CHRM5: variants seen among roughly 807,000 people sequenced by gnomAD.
The protein encoded by CHRM5 is muscarinic acetylcholine receptor M5.
Under a neutral mutation model 39.0 loss-of-function variants are expected in CHRM5, and 18 were observed. The ratio of observed to expected loss-of-function variants is 0.46; its 90% CI spans 0.32 to 0.68. The LOEUF is 0.68. CHRM5 is among the 30% of genes least tolerant of loss of function. The pLI, the probability that CHRM5 is intolerant of heterozygous loss-of-function variation, is 0.04. For missense variants in CHRM5, 515 were observed against 651.1 expected (o/e 0.79, Z 2.28); for synonymous variants, 241 against 246.3 (o/e 0.98, Z 0.20).
chr15:34,051,756 C>G (rs989420756), intron 2 of CHRM5, among the ~76,000 whole-genome samples: 2 of 152,036 alleles, frequency 1.3e-5, no homozygotes, highest in African/African-American at 2.4e-5. Context: ...TGGATAAATC[C>G]TGAACACATA....
intron 1 of CHRM5, among the ~76,000 whole-genome samples, chr15:34,027,570 G>A (rs1312659780): frequency 6.6e-6 from 1 of 150,876 alleles, no homozygotes; most frequent in Non-Finnish European, 1.5e-5. Context: ...TCACAACTAT[G>A]GTAACTGTGA....
chr15:34,033,775 AG>A (rs1206785280), intron 1 of CHRM5, among the ~76,000 whole-genome samples: 2 of 152,060 alleles, frequency 1.3e-5, no homozygotes, highest in Non-Finnish European at 2.9e-5. Flanking sequence ...ACACTACTAA[AG>A]AGTTGGGTTT....
intron 1 of CHRM5, among the ~76,000 whole-genome samples, chr15:34,015,210 G>T (rs909493119): frequency 6.6e-6 from 1 of 152,128 alleles, no homozygotes; most frequent in Non-Finnish European, 1.5e-5. Flanking sequence ...TAGGCCGGGC[G>T]CAGTGGCTCA....
At position 34,052,462 on chromosome 15, in the gene CHRM5, C is replaced by G. The variant is rs1384731881; in HGVS notation, c.-76+5591C>G. ...AAGACAAGGGTACTCTGTCTTACCA[C>G]TCCTATTCAACATAGTATTCAAAGT... On this transcript the variant is annotated intron_variant, in intron 2 of 2. Coordinates refer to ENST00000383263, the MANE Select transcript of CHRM5 (RefSeq NM_012125.4). 2.6e-5 allele frequency among the ~76,000 whole-genome samples: 4 copies of G among 152,324 alleles called. No homozygotes were observed. In the South Asian group the frequency reaches 6.2e-4, roughly 24 times the overall value.
chr15:33,978,157 T>A (rs1280279399), intron 1 of CHRM5, among the ~76,000 whole-genome samples: 1 of 152,036 alleles, frequency 6.6e-6, no homozygotes, highest in African/African-American at 2.4e-5. Flanking sequence ...TCCAAGTACA[T>A]GAAGAAAGAG....
rs1034428912 is a variant in CHRM5 at position 34,066,656 on chromosome 15, T to C, written c.*2340T>C. ...CTGTCTCTACAAAAAAAATTTTAAA[T>C]ACCTGGGCATTAGCAGGGCATCGTA... is the stretch of plus-strand genomic sequence containing the variant. On this transcript the variant is annotated 3_prime_UTR_variant, in exon 3 of 3. Coordinates refer to ENST00000383263, the MANE Select transcript of CHRM5 (RefSeq NM_012125.4). 1 of 152,084 alleles carries C rather than the reference T, an allele frequency of 6.6e-6. No homozygotes were observed. Among genetic ancestry groups the C allele is most frequent in the Non-Finnish European group, 1.5e-5 (1 of 68,052 alleles). 9.4% of individuals were successfully genotyped at this position (152,084 alleles called of 1,614,324 possible). A position where few individuals can be genotyped will look rare whatever the true frequency, so the allele number is the denominator to read the frequency against.
chr15:33,992,114 C>T (rs1490517497), intron 1 of CHRM5: 1 of 152,198 alleles, frequency 6.6e-6, no homozygotes, highest in Non-Finnish European at 1.5e-5. Context: ...AGGCCGGGCG[C>T]GATGGTTCAC....
chr15:34,053,315 AAAAAATAT>A (rs1187563603), intron 2 of CHRM5, among the ~76,000 whole-genome samples: 5 of 87,344 alleles, frequency 5.7e-5, no homozygotes, highest in African/African-American at 2.3e-4. Flanking sequence ...AAAAAAAAAA[AAAAAATAT>A]ATATATATAT....
chr15:34,017,484 G>GTT (rs60119659), intron 1 of CHRM5, among the ~76,000 whole-genome samples: 1,232 of 106,630 alleles, frequency 0.012, 15 homozygotes, highest in African/African-American at 0.013. Context: ...TTTTTTTTTT[G>GTT]TTTTTTTTTT....
At chr15:34,019,169 A>C (rs935536024) in intron 1 of CHRM5, among the ~76,000 whole-genome samples, 8 of 152,274 alleles carry the variant, frequency 5.3e-5, no homozygotes, top group African/African-American at 1.9e-4. Flanking sequence ...CAGTAAGTCC[A>C]GCTGGCTTCA....
chr15:34,062,981 C>T lies in CHRM5; in HGVS notation c.264C>T (p.Thr88=). The part of the protein sequence containing the change: ...IIGIFSMNLY[T]TYILMGRWAL... ...GAATCTTCTCCATGAACCTCTACAC[C>T]ACCTACATCCTCATGGGACGCTGGG... is the stretch of plus-strand genomic sequence containing the variant. The change falls in exon 3 of 3, where the codon ACC becomes ACT. Residue 88 remains threonine, a synonymous_variant. Transcript: ENST00000383263. The T allele has an allele frequency of 6.2e-7, 1 of 1,614,152 alleles. No homozygotes were observed. The highest frequency in any genetic ancestry group is 8.5e-7 in the Non-Finnish European group (1 of 1,180,006).
At chr15:33,983,154 G>GTATA (rs1555512743) in intron 1 of CHRM5, among the ~76,000 whole-genome samples, 4 of 111,712 alleles carry the variant, frequency 3.6e-5, no homozygotes, top group African/African-American at 1.7e-4. Context: ...GTGTGTGTGT[G>GTATA]TGTGTATGTG....
chr15:34,017,489 T>G (rs1228649582), intron 1 of CHRM5, among the ~76,000 whole-genome samples: 1 of 80,168 alleles, frequency 1.2e-5, no homozygotes, highest in African/African-American at 2.8e-5. Flanking sequence ...TTTTTGTTTT[T>G]TTTTTTTTTT....
At chr15:33,995,098 C>CA (rs34352663) in intron 1 of CHRM5, among the ~76,000 whole-genome samples, 1 of 151,952 alleles carries the variant, frequency 6.6e-6, no homozygotes, top group African/African-American at 2.4e-5. Context: ...CCTGTCTCTA[C>CA]AAAAAAATGA....
chr15:34,012,786 T>G (rs1897690473), intron 1 of CHRM5, among the ~76,000 whole-genome samples: 1 of 152,204 alleles, frequency 6.6e-6, no homozygotes, highest in South Asian at 2.1e-4. Context: ...AGAAGGAACC[T>G]AGATAGGTCA....
chr15:34,033,590 C>T (rs949410345), intron 1 of CHRM5, among the ~76,000 whole-genome samples: 1 of 151,844 alleles, frequency 6.6e-6, no homozygotes, highest in South Asian at 2.1e-4. Context: ...AAAAGTAGCA[C>T]CCAAGCCTGT....
chr15:34,044,976 AGGCGGAGCTT>A (rs2140812549), intron 1 of CHRM5, among the ~76,000 whole-genome samples: 1 of 152,292 alleles, frequency 6.6e-6, no homozygotes, highest in South Asian at 2.1e-4. Flanking sequence ...TGAACCTGGG[AGGCGGAGCTT>A]GCAGTGAGCC....
chr15:34,005,332 T>C (rs1293100688), intron 1 of CHRM5, among the ~76,000 whole-genome samples: 1 of 152,232 alleles, frequency 6.6e-6, no homozygotes, highest in African/African-American at 2.4e-5. Context: ...TGTTTATTCC[T>C]TAAGTCTCTT....
intron 1 of CHRM5, among the ~76,000 whole-genome samples, chr15:34,016,265 G>A (rs1191776856): frequency 6.6e-6 from 1 of 152,120 alleles, no homozygotes; most frequent in Admixed American, 6.6e-5. Context: ...AAACCGGAAA[G>A]CAACTTATCT....
Sources: gnomAD v4.1 joint callset for allele counts (sites outside exome capture counted in the v4.1 genomes callset) on GRCh38, gnomAD v4.1.1 for gene constraint, MANE v1.5 for transcripts, NCBI Gene and HGNC (gene_info 2026-07-23, HGNC 2026-07-21) for gene names.